Variants in RB1 observed in about 807,000 individuals in gnomAD.
RB1 encodes RB transcriptional corepressor 1.
Under a neutral mutation model 135.4 loss-of-function variants are expected in RB1, and 18 were observed. The ratio of observed to expected loss-of-function variants is 0.13; its 90% CI spans 0.09 to 0.20. The LOEUF is 0.20. Ranked by LOEUF, RB1 falls within the 10% of genes least tolerant of loss-of-function variation. The pLI is 1.00. For synonymous variants in RB1, 365 were observed against 373.2 expected (o/e 0.98, Z 0.25); for missense variants, 868 against 1,110.0 (o/e 0.78, Z 3.10).
intron 6 of RB1, among the ~76,000 whole-genome samples, chr13:48,351,248 A>G (rs747125537): frequency 6.6e-6 from 1 of 152,074 alleles, no homozygotes; most frequent in African/African-American, 2.4e-5. Flanking sequence ...AGTATCTGTT[A>G]TTTTTTGACT....
chr13:48,389,544 G>A (rs1294354611), intron 17 of RB1: 1 of 152,184 alleles, frequency 6.6e-6, no homozygotes, highest in Non-Finnish European at 1.5e-5. Context: ...CATTAGAAGT[G>A]TTCTCTATTG....
Position 48,381,455 on chromosome 13 carries a change from A to G in RB1, c.1695+12A>G, listed in dbSNP as rs2138145893. 6.2e-7 allele frequency: 1 copy of G among 1,612,392 alleles called. No individual in the cohort carries two copies. Among genetic ancestry groups the G allele is most frequent in the East Asian group, 2.2e-5 (1 of 44,676 alleles). ...TTGCATGGCTCTCAGTAAGTAGCTAAATAATTGAAGAAATTCATTCATGTG... is the reference window on the plus strand; with the variant it reads ...TTGCATGGCTCTCAGTAAGTAGCTAGATAATTGAAGAAATTCATTCATGTG... On this transcript the variant is annotated intron_variant, in intron 17 of 26. Transcript: ENST00000267163.
At position 48,355,037 on chromosome 13, in the gene RB1, C is replaced by T. The variant is rs140294881; in HGVS notation, c.608-4980C>T. On this transcript the variant is annotated intron_variant, in intron 6 of 26. Transcript: ENST00000267163. Reference sequence around the variant, plus strand: ...AATTTCTTGAGCAATACCTCACAAACACAGTCAACCAAAGCAAAAATGGAT... The same window carrying T: ...AATTTCTTGAGCAATACCTCACAAATACAGTCAACCAAAGCAAAAATGGAT... 5.5e-3 allele frequency among the ~76,000 whole-genome samples: 843 copies of T among 152,150 alleles called. 5 individuals are homozygous for T. The highest frequency in any genetic ancestry group is 0.01 in the Middle Eastern group (3 of 294).
chr13:48,353,719 A>G (rs1424920248), intron 6 of RB1, among the ~76,000 whole-genome samples: 1 of 152,150 alleles, frequency 6.6e-6, no homozygotes, highest in Non-Finnish European at 1.5e-5. Flanking sequence ...ACTGAATTCA[A>G]TAATACATTA....
intron 17 of RB1, among the ~76,000 whole-genome samples, chr13:48,420,222 C>T (rs536435677): frequency 6.6e-6 from 1 of 152,152 alleles, no homozygotes; most frequent in Non-Finnish European, 1.5e-5. Flanking sequence ...GGATGCAAGG[C>T]TGGTTCAACA....
chr13:48,334,834 A>G (rs1201065159), intron 2 of RB1, among the ~76,000 whole-genome samples: 3 of 152,168 alleles, frequency 2.0e-5, no homozygotes, highest in East Asian at 1.9e-4. Flanking sequence ...AAATGATGGT[A>G]TAATTGGTAA....
intron 17 of RB1, among the ~76,000 whole-genome samples, chr13:48,424,613 G>C (rs956512535): frequency 6.7e-6 from 1 of 149,004 alleles, no homozygotes; most frequent in Non-Finnish European, 1.5e-5. Context: ...CTTTTTTTCC[G>C]AACTCTCTTG....
intron 17 of RB1, among the ~76,000 whole-genome samples, chr13:48,406,933 C>T (rs545879542): frequency 2.6e-5 from 4 of 152,262 alleles, no homozygotes; most frequent in African/African-American, 7.2e-5. Context: ...TACCCTGGCG[C>T]TACATTAATT....
intron 26 of RB1, among the ~76,000 whole-genome samples, chr13:48,478,333 CTA>C (rs1464173929): frequency 6.6e-6 from 1 of 152,040 alleles, no homozygotes; most frequent in Non-Finnish European, 1.5e-5. Flanking sequence ...AACTAAATAA[CTA>C]AAACAAAATT....
chr13:48,340,591 A>G (rs555376840), intron 2 of RB1, among the ~76,000 whole-genome samples: 32 of 151,796 alleles, frequency 2.1e-4, no homozygotes, highest in African/African-American at 6.7e-4. Flanking sequence ...GAGAGAGAGA[A>G]AAAAAAAGGC....
chr13:48,328,344 C>T (rs1952305278), intron 2 of RB1: 1 of 1,571,222 alleles, frequency 6.4e-7, no homozygotes, highest in East Asian at 2.2e-5. Context: ...CTTACTTGAT[C>T]CAAGTTTGAT....
At chr13:48,418,220 C>T (rs191612189) in intron 17 of RB1, among the ~76,000 whole-genome samples, 52 of 152,172 alleles carry the variant, frequency 3.4e-4, no homozygotes, top group African/African-American at 1.2e-3. Context: ...GAGTGGGGGC[C>T]AATATTCAAC....
intron 17 of RB1, among the ~76,000 whole-genome samples, chr13:48,432,047 T>G (rs1216284893): frequency 2.0e-5 from 3 of 152,176 alleles, no homozygotes; most frequent in African/African-American, 7.2e-5. Context: ...CAACTGGTCA[T>G]ATGGTGATAA....
intron 17 of RB1, among the ~76,000 whole-genome samples, chr13:48,387,768 A>G (rs549831860): frequency 6.6e-6 from 1 of 152,264 alleles, no homozygotes; most frequent in Non-Finnish European, 1.5e-5. Flanking sequence ...TTAAGTTTTA[A>G]TTACTAACAA....
intron 11 of RB1, among the ~76,000 whole-genome samples, chr13:48,368,933 G>C (rs1350844279): frequency 6.6e-6 from 1 of 152,134 alleles, no homozygotes; most frequent in African/African-American, 2.4e-5. Context: ...TTGAACCCGG[G>C]AGGCGGAGGT....
Position 48,347,836 on chromosome 13 carries a change from T to C in RB1, c.512T>C (p.Leu171Pro). Residue 171 changes from leucine (L) to proline (P), a missense_variant, in exon 5 of 27, where the codon CTT becomes CCT. This residue lies in a region of RB1 where 641 missense variants were observed against 791.3 expected (regional missense o/e 0.81). Coordinates refer to ENST00000267163, the MANE Select transcript of RB1 (RefSeq NM_000321.3). ...GTTTTTCTTTTCAGGACATGTGAAC[T>C]TATATATTTGACACAACCCAGCAGT... Reference protein sequence around the residue: ...LFSKLERTCELIYLTQPSSSI... With the variant: ...LFSKLERTCEPIYLTQPSSSI... 1.3e-6 allele frequency: 2 copies of C among 1,593,478 alleles called. No homozygotes were observed. Among genetic ancestry groups the C allele is most frequent in the Non-Finnish European group, 1.7e-6 (2 of 1,162,478 alleles).
At chr13:48,398,239 A>AG (rs1348297250) in intron 17 of RB1, among the ~76,000 whole-genome samples, 1 of 152,168 alleles carries the variant, frequency 6.6e-6, no homozygotes, top group African/African-American at 2.4e-5. Context: ...ATTTTAAAAA[A>AG]TTCAATTCTG....
chr13:48,401,058 T>A (rs1455560170), intron 17 of RB1, among the ~76,000 whole-genome samples: 3 of 152,150 alleles, frequency 2.0e-5, no homozygotes, highest in Non-Finnish European at 4.4e-5. Context: ...CAGTTGGAAT[T>A]TGTTATGTTG....
intron 17 of RB1, among the ~76,000 whole-genome samples, chr13:48,383,321 G>A (rs1012633284): frequency 2.0e-5 from 3 of 152,114 alleles, no homozygotes; most frequent in African/African-American, 7.2e-5. Context: ...TATTGATAAG[G>A]CTTTTGTTTT....
Sources: gnomAD v4.1 joint callset for allele counts (sites outside exome capture counted in the v4.1 genomes callset) on GRCh38, gnomAD v4.1.1 for gene constraint, gnomAD v4.1.1 regional missense constraint, MANE v1.5 for transcripts, NCBI Gene and HGNC (gene_info 2026-07-23, HGNC 2026-07-21) for gene names.